Variants in ATAD3B observed in about 807,000 individuals in gnomAD.
ATAD3B encodes ATPase family AAA domain containing 3B, also known as ATPase family AAA domain-containing protein 3B.
A neutral mutation model predicts 70.2 loss-of-function variants in ATAD3B; 59 were observed. That is an observed-to-expected ratio of 0.84 (90% CI 0.68 to 1.04). ATAD3B has a LOEUF of 1.04. Among genes scored for constraint, ATAD3B ranks in the 50% least tolerant of loss-of-function variants. The pLI, the probability that ATAD3B is intolerant of heterozygous loss-of-function variation, is 0.00. For synonymous variants in ATAD3B, 423 were observed against 388.6 expected (o/e 1.09, Z -1.04); for missense variants, 961 against 913.4 (o/e 1.05, Z -0.67).
At chr1:1,498,738 C>T (rs866194688), downstream of ATAD3B, among the ~76,000 whole-genome samples, 10 of 150,822 alleles carry the variant, frequency 6.6e-5, no homozygotes, top group Non-Finnish European at 1.5e-4. Flanking sequence ...AGTCTCACTC[C>T]GTCGCCCAGG....
intron 1 of ATAD3B, among the ~76,000 whole-genome samples, chr1:1,476,137 C>CA (rs1240806878): frequency 6.9e-6 from 1 of 144,036 alleles, no homozygotes; most frequent in Non-Finnish European, 1.5e-5. Flanking sequence ...GTCCCGGTCT[C>CA]ATCTGTGCTC....
intron 15 of ATAD3B, 109 bp downstream of exon 15, chr1:1,490,780 A>T: frequency 6.7e-7 from 1 of 1,499,722 alleles, no homozygotes; most frequent in Non-Finnish European, 8.9e-7. Flanking sequence ...GCTTCTGTTG[A>T]GGGGTTTTCA....
rs1039789863 is a variant in ATAD3B at position 1,496,166 on chromosome 1, G to T, written c.*349G>T. On this transcript the variant is annotated 3_prime_UTR_variant, in exon 16 of 16. Transcript: ENST00000673477. ...CGGTCCAAGCCTGTGGCTGGAGCTG[G>T]TGTGTGTTTATCTAATAAAGTCCCA... 5 of 1,065,866 alleles carry T rather than the reference G, an allele frequency of 4.7e-6. No individual in the cohort carries two copies. In the African/African-American group the frequency reaches 8.3e-5, roughly 18 times the overall value. The allele number at this position is 1,065,866 out of a possible 1,614,324, so 66.0% of individuals were successfully genotyped here.
chr1:1,480,061 G>C lies in ATAD3B; in HGVS notation c.445-806G>C, dbSNP rs563519926. On this transcript the variant is annotated intron_variant, in intron 4 of 15. Coordinates refer to ENST00000673477, the MANE Select transcript of ATAD3B (RefSeq NM_031921.6). ...CACACCCCCTTGCACAGACGGGCAC[G>C]CACACAGTCCCACACATGGGCACAC... 2.8e-5 allele frequency among the ~76,000 whole-genome samples: 4 copies of C among 142,234 alleles called. 1 individual carries two copies. In the South Asian group the frequency reaches 9.2e-4, roughly 33 times the overall value. 93.3% of individuals were successfully genotyped at this position (142,234 alleles called of 152,430 possible).
the ATAD3B span, chr1:1,509,223 G>C: frequency 2.5e-6 from 4 of 1,612,636 alleles, no homozygotes; most frequent in Admixed American, 1.7e-5. Context: ...GTATGCCTCC[G>C]AGGACGGGGT....
intron 12 of ATAD3B, 55 bp from the exon 13 acceptor site, chr1:1,489,149 G>A (rs1640391247): frequency 6.2e-7 from 1 of 1,610,794 alleles, no homozygotes; most frequent in Admixed American, 1.7e-5. Context: ...TTTCTGCTCT[G>A]GCTGTTTACA....
chr1:1,507,044 C>G, the ATAD3B span, among the ~76,000 whole-genome samples: 1 of 152,186 alleles, frequency 6.6e-6, no homozygotes, highest in Non-Finnish European at 1.5e-5. Flanking sequence ...GCTTCAGCCT[C>G]CCAAAGTGCT....
intron 15 of ATAD3B, among the ~76,000 whole-genome samples, chr1:1,492,279 G>C (rs1468609143): frequency 2.0e-5 from 3 of 151,820 alleles, no homozygotes; most frequent in African/African-American, 7.3e-5. Context: ...TTGAGGTCAG[G>C]AGTTCAAGAC....
At chr1:1,503,762 C>T in the ATAD3B span, 70 of 1,528,668 alleles carry the variant, frequency 4.6e-5, 1 homozygote, top group African/African-American at 3.6e-4. Flanking sequence ...GTGGCATGTA[C>T]ATGGGCAGCA....
rs1186279357 is a variant in ATAD3B at position 1,482,190 on chromosome 1, G to T, written c.567G>T (p.Val189=). The change falls in exon 6 of 16, where the codon GTG becomes GTT. Residue 189 remains valine (V), a synonymous_variant. Transcript: ENST00000673477. ...ELRHKNEMLR[V]ETEARARAKA... ...GGCACAAGAATGAGATGCTGCGAGT[G>T]GAGACCGAGGCCCGGGCGCGCGCCA... The T allele has an allele frequency of 1.9e-6, 3 of 1,611,084 alleles. 1 individual carries two copies. The highest frequency in any genetic ancestry group is 3.3e-5 in the Admixed American group (2 of 59,876).
At position 1,496,403 on chromosome 1, in the gene ATAD3B, C is replaced by T. The variant is rs1640798405; in HGVS notation, c.*586C>T. 7.7e-6 allele frequency: 2 copies of T among 260,882 alleles called. No homozygotes were observed. Among genetic ancestry groups the T allele is most frequent in the Non-Finnish European group, 1.2e-5 (2 of 167,496 alleles). The allele number at this position is 260,882 out of a possible 1,614,324, so 16.2% of individuals were successfully genotyped here. ...CTGCCCGGGACTGCCGCCTGCGCCC[C>T]ACCAGCCCCTCCCTCCTGAAGGAGG... On this transcript the variant is annotated 3_prime_UTR_variant, in exon 16 of 16. Coordinates refer to ENST00000673477, the MANE Select transcript of ATAD3B (RefSeq NM_031921.6).
At chr1:1,502,610 C>A (rs1640969639), downstream of ATAD3B, among the ~76,000 whole-genome samples, 1 of 148,144 alleles carries the variant, frequency 6.8e-6, no homozygotes, top group Admixed American at 6.9e-5. Flanking sequence ...CTCCCGGGTT[C>A]AAGTGATTCT....
intron 1 of ATAD3B, among the ~76,000 whole-genome samples, chr1:1,473,303 C>T (rs1639427624): frequency 6.6e-6 from 1 of 151,264 alleles, no homozygotes; most frequent in Non-Finnish European, 1.5e-5. Context: ...CCACGCCCGG[C>T]TAATTTTGTA....
chr1:1,482,413 C>T (rs1341959860), intron 6 of ATAD3B, 110 bp downstream of exon 6: 1 of 1,584,520 alleles, frequency 6.3e-7, no homozygotes, highest in African/African-American at 1.4e-5. Flanking sequence ...TAGGCTGACT[C>T]CTTGGTGGGG....
Position 1,477,269 on chromosome 1 carries a change from C to T in ATAD3B, c.206-5C>T, listed in dbSNP as rs940701733. ...ACCTGCTCTCCGTGCCACATGCGCC[C>T]GCAGGTTACGCCAAGGAGGCCCTGA... On this transcript the variant is annotated splice_region_variant and splice_polypyrimidine_tract_variant and intron_variant, in intron 1 of 15. Transcript: ENST00000673477. 56 of 1,612,146 alleles carry T rather than the reference C, an allele frequency of 3.5e-5. No homozygotes were observed. In the Middle Eastern group the frequency reaches 6.0e-4, roughly 17 times the overall value.
chr1:1,501,195 T>C (rs1273753613), downstream of ATAD3B, among the ~76,000 whole-genome samples: 1 of 152,030 alleles, frequency 6.6e-6, no homozygotes, highest in Non-Finnish European at 1.5e-5. Flanking sequence ...TTTAAGCGAT[T>C]CTCCTGCCTC....
intron 13 of ATAD3B, chr1:1,489,649 A>C: frequency 9.7e-6 from 13 of 1,333,360 alleles, no homozygotes; most frequent in Non-Finnish European, 1.1e-5. Flanking sequence ...TCCCTCCCAA[A>C]TCCCTTAATT....
At chr1:1,501,299 G>A (rs532565582), downstream of ATAD3B, among the ~76,000 whole-genome samples, 36 of 151,550 alleles carry the variant, frequency 2.4e-4, no homozygotes, top group African/African-American at 8.7e-4. Flanking sequence ...CTGTCACCGA[G>A]GCTGGAGTGC....
intron 4 of ATAD3B, among the ~76,000 whole-genome samples, chr1:1,480,076 C>A (rs951359751): frequency 6.8e-6 from 1 of 146,638 alleles, no homozygotes; most frequent in Non-Finnish European, 1.5e-5. Flanking sequence ...CAGTCCCACA[C>A]ATGGGCACAC....
Sources: gnomAD v4.1 joint callset for allele counts (sites outside exome capture counted in the v4.1 genomes callset) on GRCh38, gnomAD v4.1.1 for gene constraint, MANE v1.5 for transcripts, NCBI Gene and HGNC (gene_info 2026-07-23, HGNC 2026-07-21) for gene names.